The following KIF5B variants were observed in gnomAD, a reference collection of about 807,000 sequenced individuals.
KIF5B encodes the protein kinesin family member 5B.
A neutral mutation model predicts 132.8 loss-of-function variants in KIF5B; 49 were observed. That is an observed-to-expected ratio of 0.37 (90% CI 0.29 to 0.47). The LOEUF is 0.47. KIF5B is among the 20% of genes least tolerant of loss of function. KIF5B has a pLI of 1.00. For missense variants in KIF5B, 780 were observed against 1,144.0 expected, an observed-to-expected ratio of 0.68 and a Z score of 4.59; for synonymous variants, 355 against 369.4, an observed-to-expected ratio of 0.96 and a Z score of 0.45.
intron 14 of KIF5B, among the ~76,000 whole-genome samples, chr10:32,030,794 A>G (rs1002492219): frequency 6.6e-6 from 1 of 152,194 alleles, no homozygotes; most frequent in Non-Finnish European, 1.5e-5. Context: ...TAGATTCTAC[A>G]TGCTATATAC....
chr10:32,056,040 C>A lies in KIF5B; in HGVS notation c.-67G>T, dbSNP rs1166641094. ...CCGCTCAGTCTTGCAGGGAACGCGC[C>A]GGACCTGAGGGCTTGTGGTCGCGAG... On this transcript the variant is annotated 5_prime_UTR_variant, in exon 1 of 26. Transcript: ENST00000302418. 1 of 1,580,370 alleles carries A rather than the reference C, an allele frequency of 6.3e-7. No homozygotes were observed.
chr10:32,040,626 AACACACACACACAC>A (rs72393080), intron 2 of KIF5B, among the ~76,000 whole-genome samples, 169 bp from the exon 3 acceptor site: 20 of 142,084 alleles, frequency 1.4e-4, no homozygotes, highest in African/African-American at 4.2e-4. Flanking sequence ...AACACCCTAA[AACACACACACACAC>A]ACACACACAC....
At chr10:32,045,974 G>A (rs181737275) in intron 2 of KIF5B, among the ~76,000 whole-genome samples, 25 of 152,168 alleles carry the variant, frequency 1.6e-4, no homozygotes, top group African/African-American at 5.5e-4. Flanking sequence ...CTTTATAAAT[G>A]GTTTAGAATC....
chr10:32,017,895 C>T (rs1841197054), intron 23 of KIF5B, among the ~76,000 whole-genome samples, 157 bp downstream of exon 23: 1 of 152,162 alleles, frequency 6.6e-6, no homozygotes, highest in Admixed American at 6.6e-5. Flanking sequence ...ATTAACTCCT[C>T]TAAAAGTTAC....
intron 14 of KIF5B, among the ~76,000 whole-genome samples, chr10:32,030,408 C>T (rs1257482004): frequency 2.0e-5 from 3 of 151,458 alleles, no homozygotes; most frequent in African/African-American, 2.4e-5. Flanking sequence ...CCCAGCTACT[C>T]GGGAGACTGA....
chr10:32,048,397 TA>T, intron 2 of KIF5B, 66 bp downstream of exon 2: 1 of 1,037,750 alleles, frequency 9.6e-7, no homozygotes, highest in Non-Finnish European at 1.4e-6. Context: ...GGAAGCTGAG[TA>T]AGTAGAAAAG....
At position 32,033,862 on chromosome 10, in the gene KIF5B, T is replaced by G; in HGVS notation, c.1288A>C (p.Lys430Gln). 2 of 1,612,102 alleles carry G rather than the reference T, an allele frequency of 1.2e-6. No individual in the cohort carries two copies. Among genetic ancestry groups the G allele is most frequent in the Non-Finnish European group, 1.7e-6 (2 of 1,178,768 alleles). Residue 430 changes from lysine (K) to glutamine (Q), a missense_variant, in exon 12 of 26, where the codon AAA becomes CAA. Coordinates refer to ENST00000302418, the MANE Select transcript of KIF5B (RefSeq NM_004521.3). ...KCEEEIAKLYKQLDDKDEEIN... is the reference protein window; with the variant it reads ...KCEEEIAKLYQQLDDKDEEIN... ...ATACCTACCTTGTCATCAAGCTGTT[T>G]GTATAATTTAGCAATTTCTTCTTCA...
At chr10:32,036,344 G>A (rs1261292302) in intron 8 of KIF5B, among the ~76,000 whole-genome samples, 1 of 152,164 alleles carries the variant, frequency 6.6e-6, no homozygotes, top group Non-Finnish European at 1.5e-5. Flanking sequence ...TTAGAAAACA[G>A]AGACTGAGTT....
chr10:32,038,841 T>TA lies in KIF5B; in HGVS notation c.394-16dup, dbSNP rs1458547237. 4 of 1,466,872 alleles carry TA rather than the reference T, an allele frequency of 2.7e-6. No individual in the cohort carries two copies. The highest frequency in any genetic ancestry group is 1.8e-5 in the Admixed American group (1 of 54,192). 90.9% of individuals were successfully genotyped at this position (1,466,872 alleles called of 1,614,324 possible). ...AAATATGAAACCTAAAGGGCAAATT[T>TA]AAAAAAACACCGATCAACTAAAGTT... On this transcript the variant is annotated splice_polypyrimidine_tract_variant and intron_variant, in intron 4 of 25. Coordinates refer to ENST00000302418, the MANE Select transcript of KIF5B (RefSeq NM_004521.3).
At chr10:32,046,805 T>C (rs1178546305) in intron 2 of KIF5B, among the ~76,000 whole-genome samples, 1 of 152,218 alleles carries the variant, frequency 6.6e-6, no homozygotes, top group Non-Finnish European at 1.5e-5. Context: ...ATAATCTCAA[T>C]TTCAAGTAGA....
At position 32,018,574 on chromosome 10, in the gene KIF5B, A is replaced by G; in HGVS notation, c.2307-12T>C. ...TATCTTGCATAACCCTAACAGTAGA[A>G]GAACAAACATATATTTTCAAATTTT... On this transcript the variant is annotated splice_polypyrimidine_tract_variant and intron_variant, in intron 20 of 25. Transcript: ENST00000302418. 1 of 1,591,604 alleles carries G rather than the reference A, an allele frequency of 6.3e-7. No individual in the cohort carries two copies.
chr10:32,043,737 G>A (rs145967797), intron 2 of KIF5B, among the ~76,000 whole-genome samples: 1 of 150,518 alleles, frequency 6.6e-6, no homozygotes, highest in African/African-American at 2.4e-5. Flanking sequence ...CTACAGATAG[G>A]GAATGTTAAT....
At chr10:32,054,188 T>TA (rs769829158) in intron 1 of KIF5B, among the ~76,000 whole-genome samples, 2 of 152,240 alleles carry the variant, frequency 1.3e-5, no homozygotes, top group East Asian at 3.8e-4. Flanking sequence ...CTGAGTACTG[T>TA]AAACCACAAA....
intron 15 of KIF5B, among the ~76,000 whole-genome samples, chr10:32,024,299 C>A (rs1429080613): frequency 6.9e-6 from 1 of 144,396 alleles, no homozygotes; most frequent in Non-Finnish European, 1.5e-5. Flanking sequence ...GGACTACAGG[C>A]GCCCGCCACT....
At chr10:32,021,623 G>A (rs557793108) in intron 17 of KIF5B, among the ~76,000 whole-genome samples, 4 of 151,214 alleles carry the variant, frequency 2.6e-5, no homozygotes, top group Non-Finnish European at 5.9e-5. Flanking sequence ...CTTCGTAACT[G>A]TGGGAAATCC....
chr10:32,015,079 G>A (rs546012966), intron 25 of KIF5B, among the ~76,000 whole-genome samples: 18 of 151,366 alleles, frequency 1.2e-4, no homozygotes, highest in Middle Eastern at 3.4e-3. Flanking sequence ...CTGAGATCAC[G>A]CCATTGCACT....
At position 32,021,064 on chromosome 10, in the gene KIF5B, T is replaced by A. The variant is rs1225574591; in HGVS notation, c.2162A>T (p.Asp721Val). Residue 721 changes from aspartate (D) to valine (V), a missense_variant, in exon 19 of 26, where the codon GAT (aspartate) becomes GTT (valine). Physicochemically the swap from Asp to Val is radical, Grantham distance 152. Coordinates refer to ENST00000302418, the MANE Select transcript of KIF5B (RefSeq NM_004521.3). ...AAGTTTTGCTTTTGCTTCTACTTCA[T>A]CTCTCAAACTACTGATCTGTTTTTG... ...THQKQISSLR[D>V]EVEAKAKLIT... 6.2e-7 allele frequency: 1 copy of A among 1,613,176 alleles called. No individual in the cohort carries two copies. The highest frequency in any genetic ancestry group is 8.5e-7 in the Non-Finnish European group (1 of 1,179,408).
chr10:32,039,125 G>C (rs1841499937), intron 4 of KIF5B, among the ~76,000 whole-genome samples: 1 of 152,134 alleles, frequency 6.6e-6, no homozygotes, highest in Admixed American at 6.5e-5. Flanking sequence ...GGAGGCTAAA[G>C]ACTTAATCAT....
Position 32,021,137 on chromosome 10 carries a change from A to C in KIF5B, c.2095-6T>G. On this transcript the variant is annotated splice_polypyrimidine_tract_variant and splice_region_variant and intron_variant, in intron 18 of 25. Transcript: ENST00000302418. The stretch of plus-strand genomic sequence containing the variant: ...ATCTGCTGTTCAACAGCTTGCTAAA[A>C]TTTTGGGGGGGAAAAGGATGTTAAA... The C allele has an allele frequency of 6.2e-7, 1 of 1,612,036 alleles. No homozygotes were observed. The highest frequency in any genetic ancestry group is 8.5e-7 in the Non-Finnish European group (1 of 1,178,322).
Sources: allele counts gnomAD v4.1 joint callset (sites outside exome capture counted in the v4.1 genomes callset), GRCh38; gene constraint gnomAD v4.1.1; transcripts MANE v1.5; gene names NCBI Gene and HGNC (gene_info 2026-07-23, HGNC 2026-07-21).